Variants in BRIP1 observed in about 807,000 individuals in gnomAD.
BRIP1 encodes Fanconi anemia group J protein.
In BRIP1, 88 loss-of-function variants were observed where a neutral mutation model predicts 119.7. The observed-to-expected ratio is 0.74, with a 90% CI of 0.62 to 0.88. The LOEUF is 0.88. Ranked by LOEUF, BRIP1 falls within the 40% of genes least tolerant of loss-of-function variation. The pLI is 0.00. For missense variants in BRIP1, 1,259 were observed against 1,455.4 expected (o/e 0.87, Z 2.20); for synonymous variants, 443 against 496.5 (o/e 0.89, Z 1.43).
rs894301737 is a variant in BRIP1, at chr17:61,785,933, G to GC, written c.1474-1510_1474-1509insG. 1.6e-3 allele frequency among the ~76,000 whole-genome samples: 243 copies of GC among 151,822 alleles called. 1 individual carries two copies. Among genetic ancestry groups the GC allele is most frequent in the Non-Finnish European group, 2.3e-3 (158 of 67,924 alleles). ...CTACACATTGGCAGCTGGGTTGGGG[G>GC]GGGTAGAAAAATAGAAAACTAAGCA... is the stretch of plus-strand genomic sequence containing the variant. On this transcript the variant is annotated intron_variant, in intron 10 of 19. Transcript: ENST00000259008.
chr17:61,766,196 C>G (rs2077370902), intron 14 of BRIP1, among the ~76,000 whole-genome samples: 1 of 152,138 alleles, frequency 6.6e-6, no homozygotes, highest in African/African-American at 2.4e-5. Context: ...AATGCTTTCA[C>G]TAATTAAATG....
At chr17:61,820,245 T>G (rs1223952617) in intron 6 of BRIP1, among the ~76,000 whole-genome samples, 1 of 152,178 alleles carries the variant, frequency 6.6e-6, no homozygotes, top group African/African-American at 2.4e-5. Flanking sequence ...TATGGCAGAT[T>G]AGGTACACAC....
At position 61,758,050 on chromosome 17, in the gene BRIP1, G is replaced by A. The variant is rs868508790; in HGVS notation, c.2098-13459C>T. Among the ~76,000 whole-genome samples, 7 of 151,942 alleles carry A rather than the reference G, an allele frequency of 4.6e-5. No individual in the cohort carries two copies. The South Asian group carries it at 1.5e-3, about 32-fold the overall frequency. On this transcript the variant is annotated intron_variant, in intron 14 of 19. Transcript: ENST00000259008. The surrounding 1 kb of genome is among the most constrained non-coding windows in gnomAD (Gnocchi z 5.3). ...CAATAAGAACTCAATACTATGTTAT[G>A]TATGGAACAAATTCTTAACTCTTTG...
chr17:61,795,064 A>C lies in BRIP1; in HGVS notation c.1341-1335T>G, dbSNP rs761716142. Among the ~76,000 whole-genome samples, 1 of 152,080 alleles carries C rather than the reference A, an allele frequency of 6.6e-6. No individual in the cohort carries two copies. The highest frequency in any genetic ancestry group is 1.5e-5 in the Non-Finnish European group (1 of 67,992). ...ATCTTGAGTCATCATAAGAAATCTG[A>C]ATTTATTCAAAGGGCAATGGGAAGG... On this transcript the variant is annotated intron_variant, in intron 9 of 19. Transcript: ENST00000259008. The surrounding 1 kb of genome is among the most constrained non-coding windows in gnomAD (Gnocchi z 5.6).
rs113766686 is a variant in BRIP1, at chr17:61,793,576, C to T, written c.1473+21G>A. The T allele has an allele frequency of 1.9e-5, 31 of 1,593,842 alleles. 1 individual carries two copies. The highest frequency in any genetic ancestry group is 1.1e-4 in the African/African-American group (8 of 74,660). On this transcript the variant is annotated intron_variant, in intron 10 of 19. Coordinates refer to ENST00000259008, the MANE Select transcript of BRIP1 (RefSeq NM_032043.3). The surrounding 1 kb of genome is among the most constrained non-coding windows in gnomAD (Gnocchi z 5.2). ...CTTCTAATTCACTAAATACGTTTCACAGGTAGAAAAAATATCTTACCTGCA... is the reference window on the plus strand; with the variant it reads ...CTTCTAATTCACTAAATACGTTTCATAGGTAGAAAAAATATCTTACCTGCA...
chr17:61,766,464 A>G (rs1287781717), intron 14 of BRIP1, among the ~76,000 whole-genome samples: 2 of 152,200 alleles, frequency 1.3e-5, no homozygotes, highest in Non-Finnish European at 2.9e-5. Context: ...TGATCACTTA[A>G]AGCAAATTTA....
At chr17:61,766,392 A>G (rs1047474487) in intron 14 of BRIP1, among the ~76,000 whole-genome samples, 25 of 152,202 alleles carry the variant, frequency 1.6e-4, no homozygotes, top group Admixed American at 1.6e-3. Context: ...CAAAGCCTCA[A>G]TGGCATAATG....
intron 6 of BRIP1, among the ~76,000 whole-genome samples, chr17:61,830,339 GA>G (rs2078474468): frequency 7.0e-6 from 1 of 143,032 alleles, no homozygotes. Flanking sequence ...ATAGAAAATG[GA>G]AAAACAGAAA....
rs1314502819 is a variant in BRIP1, at chr17:61,726,353, T to TA, written c.2380-10291dup. ...GTAAGTGGACGAGAAAGTCATTACT[T>TA]ACCCCATATTTCTGAAACCCAGTGT... On this transcript the variant is annotated intron_variant, in intron 16 of 19. Coordinates refer to ENST00000259008, the MANE Select transcript of BRIP1 (RefSeq NM_032043.3). This position sits in a 1 kb window ranked among gnomAD's most constrained non-coding sequence, Gnocchi z 6.2. Among the ~76,000 whole-genome samples the TA allele has an allele frequency of 6.6e-6, 1 of 152,228 alleles. No homozygotes were observed. The highest frequency in any genetic ancestry group is 1.5e-5 in the Non-Finnish European group (1 of 68,034).
At position 61,809,436 on chromosome 17, in the gene BRIP1, CT is replaced by C. The variant is rs2078128954; in HGVS notation, c.628-680del. On this transcript the variant is annotated intron_variant, in intron 6 of 19. Transcript: ENST00000259008. The surrounding 1 kb of genome is among the most constrained non-coding windows in gnomAD (Gnocchi z 5.2). ...AAATTATCATCCAGGGTAGTTTTTC[CT>C]GGACAATTTCACTTGTAACTCAGTT... Among the ~76,000 whole-genome samples, 2 of 152,032 alleles carry C rather than the reference CT, an allele frequency of 1.3e-5. No individual in the cohort carries two copies. The highest frequency in any genetic ancestry group is 4.1e-4 in the South Asian group (2 of 4,824).
chr17:61,690,965 T>C lies in BRIP1; in HGVS notation c.2575+2465A>G, dbSNP rs2061438393. Among the ~76,000 whole-genome samples the C allele has an allele frequency of 6.6e-6, 1 of 151,894 alleles. No individual in the cohort carries two copies. Among genetic ancestry groups the C allele is most frequent in the South Asian group, 2.1e-4 (1 of 4,822 alleles). On this transcript the variant is annotated intron_variant, in intron 18 of 19. Coordinates refer to ENST00000259008, the MANE Select transcript of BRIP1 (RefSeq NM_032043.3). The surrounding 1 kb of genome is among the most constrained non-coding windows in gnomAD (Gnocchi z 5.6). ...TGAATGAAGCTGGAAACCATCATTCTCAGCACACTACCGCAAGGACAGAAA... is the reference window on the plus strand; with the variant it reads ...TGAATGAAGCTGGAAACCATCATTCCCAGCACACTACCGCAAGGACAGAAA...
chr17:61,837,684 A>G (rs575794472), intron 6 of BRIP1, among the ~76,000 whole-genome samples: 3 of 152,176 alleles, frequency 2.0e-5, no homozygotes, highest in Non-Finnish European at 4.4e-5. Context: ...TAATATCAAA[A>G]CGTTAACATA....
In BRIP1 at chr17:61,843,389, C is replaced by A. The variant is rs2078685088; in HGVS notation, c.627+3712G>T. Among the ~76,000 whole-genome samples, 1 of 152,022 alleles carries A rather than the reference C, an allele frequency of 6.6e-6. No homozygotes were observed. Among genetic ancestry groups the A allele is most frequent in the South Asian group, 2.1e-4 (1 of 4,824 alleles). On this transcript the variant is annotated intron_variant, in intron 6 of 19. Coordinates refer to ENST00000259008, the MANE Select transcript of BRIP1 (RefSeq NM_032043.3). This position sits in a 1 kb window ranked among gnomAD's most constrained non-coding sequence, Gnocchi z 5.7. The stretch of plus-strand genomic sequence containing the variant: ...GGTGTTCTCAACACACACACACACA[C>A]AAAAGGTAACTATGTAAGGAGATGA...
chr17:61,715,865 T>G, intron 17 of BRIP1, 86 bp downstream of exon 17: 1 of 857,740 alleles, frequency 1.2e-6, no homozygotes, highest in South Asian at 1.9e-5. Context: ...TTTACCAAGT[T>G]TATTATAAAG....
At chr17:61,779,951 C>T (rs1350015479) in intron 13 of BRIP1, among the ~76,000 whole-genome samples, 1 of 152,032 alleles carries the variant, frequency 6.6e-6, no homozygotes. Context: ...AAAAATCAAT[C>T]AATCAATAAA....
At position 61,701,041 on chromosome 17, in the gene BRIP1, G is replaced by A. The variant is rs2061606458; in HGVS notation, c.2493-7529C>T. On this transcript the variant is annotated intron_variant, in intron 17 of 19. Coordinates refer to ENST00000259008, the MANE Select transcript of BRIP1 (RefSeq NM_032043.3). The surrounding 1 kb of genome is among the most constrained non-coding windows in gnomAD (Gnocchi z 5.1). ...TCTTTATTGATATTCCCTATTTAGTGAGGTGAGACATCATTCTCACAGTTT... is the reference window on the plus strand; with the variant it reads ...TCTTTATTGATATTCCCTATTTAGTAAGGTGAGACATCATTCTCACAGTTT... Among the ~76,000 whole-genome samples, 1 of 152,048 alleles carries A rather than the reference G, an allele frequency of 6.6e-6. No homozygotes were observed. The highest frequency in any genetic ancestry group is 2.1e-4 in the South Asian group (1 of 4,834).
intron 10 of BRIP1, among the ~76,000 whole-genome samples, chr17:61,787,032 A>AT (rs2077729466): frequency 8.6e-6 from 1 of 115,744 alleles, no homozygotes. Context: ...ATTTATAAAT[A>AT]AATTTATATA....
In BRIP1 at chr17:61,680,337, G is replaced by A. The variant is rs1441224658; in HGVS notation, c.*2959C>T. 6.6e-6 allele frequency among the ~76,000 whole-genome samples: 1 copy of A among 151,960 alleles called. No homozygotes were observed. The highest frequency in any genetic ancestry group is 1.5e-5 in the Non-Finnish European group (1 of 67,994). The stretch of plus-strand genomic sequence containing the variant: ...TTTGCACTCCAGCCTGAGCGACAGA[G>A]CAAGACTGTCTAAAACAAACAAACA... On this transcript the variant is annotated 3_prime_UTR_variant, in exon 20 of 20. Transcript: ENST00000259008.
In BRIP1 at chr17:61,683,124, C is replaced by G. The variant is rs111898257; in HGVS notation, c.*172G>C. On this transcript the variant is annotated 3_prime_UTR_variant, in exon 20 of 20. Transcript: ENST00000259008. This position sits in a 1 kb window ranked among gnomAD's most constrained non-coding sequence, Gnocchi z 4.7. ...CCAGCCTGGGCAACAGACCAAGACTCTGTCTCAAAAAAAAAAACCCAAAAA... is the reference window on the plus strand; with the variant it reads ...CCAGCCTGGGCAACAGACCAAGACTGTGTCTCAAAAAAAAAAACCCAAAAA... 2,248 of 758,280 alleles carry G rather than the reference C, an allele frequency of 3.0e-3. 48 individuals carry two copies. In the African/African-American group the frequency reaches 0.036, roughly 12 times the overall value. 47.0% of individuals were successfully genotyped at this position (758,280 alleles called of 1,614,324 possible). A position where few individuals can be genotyped will look rare whatever the true frequency, so the allele number is the denominator to read the frequency against.
Sources: allele counts gnomAD v4.1 joint callset (sites outside exome capture counted in the v4.1 genomes callset), GRCh38; gene constraint gnomAD v4.1.1; non-coding constraint Gnocchi (gnomAD v3.1); transcripts MANE v1.5; gene names NCBI Gene and HGNC (gene_info 2026-07-23, HGNC 2026-07-21).